The following CORO2B variants were observed in gnomAD, a reference collection of about 807,000 sequenced individuals.
CORO2B encodes coronin 2B, also known as coronin-2B.
Under a neutral mutation model 58.8 loss-of-function variants are expected in CORO2B, and 26 were observed. The ratio of observed to expected loss-of-function variants is 0.44; its 90% CI spans 0.32 to 0.61. The LOEUF is 0.61. Among genes scored for constraint, CORO2B ranks in the 20% least tolerant of loss-of-function variants. The probability of loss-of-function intolerance (pLI) is 0.04; values close to 1 mark genes in which losing one functional copy is unlikely to be tolerated. For synonymous variants in CORO2B, 242 were observed against 253.8 expected (o/e 0.95, Z 0.44); for missense variants, 460 against 645.1 (o/e 0.71, Z 3.11).
At chr15:68,613,076 G>A (rs1900277777) in intron 1 of CORO2B, among the ~76,000 whole-genome samples, 1 of 152,190 alleles carries the variant, frequency 6.6e-6, no homozygotes, top group Non-Finnish European at 1.5e-5. Context: ...GAAACCTGCT[G>A]CTTTCTGTCT....
upstream of CORO2B, among the ~76,000 whole-genome samples, chr15:68,575,773 T>G (rs1899272731): frequency 6.6e-6 from 1 of 152,090 alleles, no homozygotes; most frequent in Non-Finnish European, 1.5e-5. Flanking sequence ...TCTCAGGCTT[T>G]GCTTTGGAGG....
intron 10 of CORO2B, 34 bp downstream of exon 10, chr15:68,719,268 G>A (rs376894903): frequency 3.7e-5 from 59 of 1,604,782 alleles, no homozygotes; most frequent in Admixed American, 1.7e-4. Flanking sequence ...GAGCACAGGC[G>A]GCTGCAGCCT....
intron 3 of CORO2B, among the ~76,000 whole-genome samples, chr15:68,699,997 C>T (rs1892601668): frequency 1.3e-5 from 2 of 152,188 alleles, no homozygotes. Flanking sequence ...CCCGCTGCAG[C>T]CTGGGAGGGG....
chr15:68,542,312 A>G, the CORO2B span, among the ~76,000 whole-genome samples: 5 of 151,436 alleles, frequency 3.3e-5, no homozygotes, highest in Admixed American at 6.6e-5. Flanking sequence ...ACACTACTCA[A>G]TTTCTGTCTT....
chr15:68,620,220 G>C (rs955605796), intron 1 of CORO2B, among the ~76,000 whole-genome samples: 1 of 152,086 alleles, frequency 6.6e-6, no homozygotes, highest in South Asian at 2.1e-4. Context: ...CCTAATTGTC[G>C]TATATTTATT....
intron 2 of CORO2B, among the ~76,000 whole-genome samples, chr15:68,686,617 G>A (rs1400321247): frequency 2.6e-5 from 4 of 152,024 alleles, no homozygotes; most frequent in East Asian, 3.9e-4. Flanking sequence ...TGCTTAACAC[G>A]GCCAGGTACA....
chr15:68,615,564 G>A (rs1900334347), intron 1 of CORO2B, among the ~76,000 whole-genome samples: 1 of 152,172 alleles, frequency 6.6e-6, no homozygotes, highest in African/African-American at 2.4e-5. Flanking sequence ...AACCCCTAAA[G>A]TTATTAAGAG....
At chr15:68,682,630 G>C (rs564224406) in intron 2 of CORO2B, among the ~76,000 whole-genome samples, 1 of 152,152 alleles carries the variant, frequency 6.6e-6, no homozygotes, top group Non-Finnish European at 1.5e-5. Context: ...GTTATAGATA[G>C]AGAAACCCCA....
the CORO2B span, among the ~76,000 whole-genome samples, chr15:68,560,332 TCAC>T: frequency 6.6e-6 from 1 of 151,514 alleles, no homozygotes; most frequent in Non-Finnish European, 1.5e-5. Context: ...TCTCGCTCTG[TCAC>T]CCAGGCTGGA....
At chr15:68,682,185 A>G (rs942929887) in intron 2 of CORO2B, among the ~76,000 whole-genome samples, 4 of 152,184 alleles carry the variant, frequency 2.6e-5, no homozygotes, top group Non-Finnish European at 4.4e-5. Flanking sequence ...TGGATGCCCA[A>G]CTGCCAAAAA....
chr15:68,538,238 G>T, the CORO2B span, among the ~76,000 whole-genome samples: 1 of 152,042 alleles, frequency 6.6e-6, no homozygotes, highest in African/African-American at 2.4e-5. Context: ...TGAGATTCCT[G>T]GTGTGTGTGG....
chr15:68,717,070 G>A (rs538965307), intron 8 of CORO2B, among the ~76,000 whole-genome samples: 4 of 152,206 alleles, frequency 2.6e-5, no homozygotes, highest in East Asian at 1.9e-4. Flanking sequence ...TTGGGAGGCC[G>A]AGGCAGGTGG....
At chr15:68,713,818 G>T in intron 5 of CORO2B, 107 bp from the exon 6 acceptor site, 1 of 734,652 alleles carries the variant, frequency 1.4e-6, no homozygotes, top group South Asian at 1.7e-5. Context: ...TAATTGCAGG[G>T]GCCAGGGCTG....
intron 1 of CORO2B, among the ~76,000 whole-genome samples, chr15:68,605,415 A>G (rs1900085613): frequency 6.6e-6 from 1 of 152,320 alleles, no homozygotes; most frequent in African/African-American, 2.4e-5. Flanking sequence ...ATTTATAACA[A>G]TGAAACATTG....
intron 1 of CORO2B, among the ~76,000 whole-genome samples, chr15:68,628,860 G>C (rs1900752638): frequency 6.6e-6 from 1 of 152,242 alleles, no homozygotes; most frequent in Non-Finnish European, 1.5e-5. Context: ...TTTCTGCTGA[G>C]AGGGATGCCC....
intron 2 of CORO2B, among the ~76,000 whole-genome samples, chr15:68,665,170 G>T (rs1356282446): frequency 6.6e-6 from 1 of 152,050 alleles, no homozygotes; most frequent in Non-Finnish European, 1.5e-5. Flanking sequence ...AAAGAATGAG[G>T]TATAGATTAA....
intron 3 of CORO2B, among the ~76,000 whole-genome samples, chr15:68,702,490 G>A (rs1004378001): frequency 6.6e-6 from 1 of 152,124 alleles, no homozygotes; most frequent in Non-Finnish European, 1.5e-5. Flanking sequence ...CAAACAGTGA[G>A]TCCAGTGCTC....
chr15:68,592,448 T>C (rs1899730733), intron 1 of CORO2B, among the ~76,000 whole-genome samples: 2 of 152,108 alleles, frequency 1.3e-5, no homozygotes, highest in Admixed American at 1.3e-4. Flanking sequence ...GAGTATTAAC[T>C]GAGATAGGGT....
the CORO2B span, among the ~76,000 whole-genome samples, chr15:68,565,784 G>A: frequency 6.6e-6 from 1 of 152,308 alleles, no homozygotes; most frequent in Non-Finnish European, 1.5e-5. Flanking sequence ...GGAGCCTTCT[G>A]TTCTGGATAG....
Sources: allele counts gnomAD v4.1 joint callset (sites outside exome capture counted in the v4.1 genomes callset), GRCh38; gene constraint gnomAD v4.1.1; transcripts MANE v1.5; gene names NCBI Gene and HGNC (gene_info 2026-07-23, HGNC 2026-07-21).